The following CARF variants were observed in gnomAD, a reference collection of about 807,000 sequenced individuals.
CARF encodes the protein calcium-responsive transcription factor.
A neutral mutation model predicts 82.0 loss-of-function variants in CARF; 57 were observed. The observed-to-expected ratio is 0.70, with a 90% CI of 0.56 to 0.87. The LOEUF (loss-of-function observed/expected upper bound fraction) is 0.87. Ranked by LOEUF, CARF falls within the 40% of genes least tolerant of loss-of-function variation. The pLI is 0.00. For missense variants in CARF, 771 were observed against 855.8 expected (o/e 0.90, Z 1.24); for synonymous variants, 268 against 290.1 (o/e 0.92, Z 0.77).
At position 202,983,851 on chromosome 2, in the gene CARF, A is replaced by T. The variant is rs1232296447; in HGVS notation, c.*227A>T. Reference sequence around the variant, plus strand: ...TAATTTTTATGCTCTTTGATTATCTAATAAGGCCAGTATTTCAAAAGCTGT... The same window carrying T: ...TAATTTTTATGCTCTTTGATTATCTTATAAGGCCAGTATTTCAAAAGCTGT... On this transcript the variant is annotated 3_prime_UTR_variant, in exon 17 of 17. Transcript: ENST00000438828. 4 of 430,406 alleles carry T rather than the reference A, an allele frequency of 9.3e-6. No homozygotes were observed. Among genetic ancestry groups the T allele is most frequent in the Middle Eastern group, 6.2e-4 (1 of 1,618 alleles). The allele number at this position is 430,406 out of a possible 1,614,324, so 26.7% of individuals were successfully genotyped here. A position where few individuals can be genotyped will look rare whatever the true frequency, so the allele number is the denominator to read the frequency against.
At chr2:202,970,777 A>C (rs950715677) in intron 11 of CARF, among the ~76,000 whole-genome samples, 4 of 152,168 alleles carry the variant, frequency 2.6e-5, no homozygotes, top group Admixed American at 2.6e-4. Flanking sequence ...AGGCATTGTC[A>C]GTTATTGTAA....
intron 5 of CARF, among the ~76,000 whole-genome samples, chr2:202,943,887 C>T (rs1157117330): frequency 2.6e-5 from 4 of 151,982 alleles, no homozygotes; most frequent in Admixed American, 6.6e-5. Context: ...ACCTCGTTAT[C>T]CACCCACCTC....
Position 202,971,615 on chromosome 2 carries a change from A to C in CARF, c.1208A>C (p.Glu403Ala). The change falls in exon 12 of 17, where the codon GAA becomes GCA. Residue 403 changes from glutamate to alanine, a missense_variant. Glu to Ala is a moderately radical substitution (Grantham distance 107). Coordinates refer to ENST00000438828, the MANE Select transcript of CARF (RefSeq NM_024744.17). ...CCTGTGTCTTCTCTTGAAGAAGAGG[A>C]AACTGCAGTTAGAGATGAGAATTGT... ...PFPVSSLEEE[E>A]TAVRDENCAL... 1 of 1,613,650 alleles carries C rather than the reference A, an allele frequency of 6.2e-7. No homozygotes were observed. The highest frequency in any genetic ancestry group is 8.5e-7 in the Non-Finnish European group (1 of 1,179,738).
intron 12 of CARF, 111 bp downstream of exon 12, chr2:202,971,849 A>C: frequency 3.3e-6 from 2 of 611,178 alleles, no homozygotes; most frequent in Non-Finnish European, 5.6e-6. Context: ...AGGGTAGATA[A>C]GGAATATAGT....
At chr2:202,961,715 A>G in intron 9 of CARF, 1 of 444,072 alleles carries the variant, frequency 2.3e-6, no homozygotes, top group Non-Finnish European at 3.9e-6. Flanking sequence ...TAAAAGAGCA[A>G]TTTTATTTTA....
intron 8 of CARF, among the ~76,000 whole-genome samples, chr2:202,959,815 CAA>C (rs11334679): frequency 0.096 from 13,393 of 140,092 alleles, 704 homozygotes; most frequent in Non-Finnish European, 0.13. Context: ...ATCTCAAAAA[CAA>C]AAAAAAAAAA....
Position 202,983,598 on chromosome 2 carries a change from G to A in CARF, c.2152G>A (p.Asp718Asn). ...ALSMEAKKTV[D>N]YKKLSAT is the part of the protein sequence containing the mutation. ...GTCTATGGAAGCAAAAAAAACTGTG[G>A]ACTATAAGAAATTATCTGCTACATA... Residue 718 changes from aspartate to asparagine, a missense_variant, in exon 17 of 17, where the codon GAC becomes AAC. By Grantham distance (23) the Asp-to-Asn change is conservative (BLOSUM62 1). Coordinates refer to ENST00000438828, the MANE Select transcript of CARF (RefSeq NM_024744.17). 1.2e-6 allele frequency: 2 copies of A among 1,605,414 alleles called. No homozygotes were observed. Among genetic ancestry groups the A allele is most frequent in the Middle Eastern group, 1.7e-4 (1 of 6,050 alleles).
intron 10 of CARF, 70 bp from the exon 11 acceptor site, chr2:202,969,849 C>T: frequency 2.0e-6 from 2 of 1,025,180 alleles, no homozygotes; most frequent in Non-Finnish European, 2.7e-6. Flanking sequence ...AAGTAGACTT[C>T]TGGTTGATAA....
intron 12 of CARF, chr2:202,973,588 G>GGT: frequency 3.0e-6 from 1 of 328,594 alleles, no homozygotes; most frequent in South Asian, 2.6e-5. Flanking sequence ...TTACTAGGTA[G>GGT]GTGTATGATT....
At chr2:202,983,457 G>A (rs1559291688) in intron 16 of CARF, 49 bp from the exon 17 acceptor site, 3 of 1,145,564 alleles carry the variant, frequency 2.6e-6, no homozygotes, top group Non-Finnish European at 3.8e-6. Context: ...CTCTCTTCCA[G>A]TGTCATGAAA....
intron 2 of CARF, among the ~76,000 whole-genome samples, chr2:202,921,390 G>T (rs1390975586): frequency 1.3e-5 from 2 of 152,120 alleles, no homozygotes; most frequent in African/African-American, 4.8e-5. Flanking sequence ...CCATCAGACA[G>T]CTTTGTATTA....
intron 3 of CARF, among the ~76,000 whole-genome samples, chr2:202,930,785 G>A (rs1289557609): frequency 3.3e-5 from 5 of 151,972 alleles, no homozygotes; most frequent in African/African-American, 1.2e-4. Context: ...CACAGGTCCT[G>A]TACTCAGGTT....
rs1355763332 is a variant in CARF at position 202,971,495 on chromosome 2, C to T, written c.1098-10C>T. 6.7e-7 allele frequency: 1 copy of T among 1,486,576 alleles called. No homozygotes were observed. The highest frequency in any genetic ancestry group is 1.3e-5 in the South Asian group (1 of 78,446). 92.1% of individuals were successfully genotyped at this position (1,486,576 alleles called of 1,614,324 possible). A position where few individuals can be genotyped will look rare whatever the true frequency, so the allele number is the denominator to read the frequency against. On this transcript the variant is annotated splice_polypyrimidine_tract_variant and intron_variant, in intron 11 of 16. Transcript: ENST00000438828. ...AAATTTTAGTAATTTTAAATATTTTCTCTTACCAGGTGGTATGTACAGTTA... is the reference window on the plus strand; with the variant it reads ...AAATTTTAGTAATTTTAAATATTTTTTCTTACCAGGTGGTATGTACAGTTA...
intron 2 of CARF, among the ~76,000 whole-genome samples, chr2:202,919,133 T>C (rs1690314739): frequency 6.6e-6 from 1 of 152,222 alleles, no homozygotes; most frequent in Admixed American, 6.5e-5. Context: ...GAGGCTCACC[T>C]GTACTTGCTT....
At chr2:202,971,386 G>T (rs1312651379) in intron 11 of CARF, 119 bp from the exon 12 acceptor site, 17 of 505,056 alleles carry the variant, frequency 3.4e-5, no homozygotes, top group Non-Finnish European at 5.7e-5. Context: ...TTTCTTAAAG[G>T]ATTAATCCTT....
intron 9 of CARF, among the ~76,000 whole-genome samples, chr2:202,965,505 T>C (rs72926802): frequency 0.089 from 13,559 of 152,198 alleles, 738 homozygotes; most frequent in Non-Finnish European, 0.12. Flanking sequence ...TTTTTCTTTC[T>C]GACTTGGCTA....
chr2:202,912,499 C>G lies in CARF; in HGVS notation c.-933C>G, dbSNP rs977911940. Reference sequence around the variant, plus strand: ...CCCGTCTTCCTCCTGCCTCCTCCTCCTCCCGTCACCTCCTGACCCGCCGGA... The same window carrying G: ...CCCGTCTTCCTCCTGCCTCCTCCTCGTCCCGTCACCTCCTGACCCGCCGGA... On this transcript the variant is annotated 5_prime_UTR_variant, in exon 1 of 17. Transcript: ENST00000438828. The G allele has an allele frequency of 1.3e-5, 2 of 148,202 alleles. No homozygotes were observed. The highest frequency in any genetic ancestry group is 4.9e-5 in the African/African-American group (2 of 40,552). The allele number at this position is 148,202 out of a possible 1,614,324, so 9.2% of individuals were successfully genotyped here.
intron 2 of CARF, among the ~76,000 whole-genome samples, chr2:202,922,179 T>C (rs919159827): frequency 4.6e-5 from 7 of 152,064 alleles, no homozygotes; most frequent in African/African-American, 1.4e-4. Flanking sequence ...CCTGTCATGA[T>C]CATGGTTCAC....
At chr2:202,957,512 T>TA (rs2059109456) in intron 8 of CARF, among the ~76,000 whole-genome samples, 2 of 152,198 alleles carry the variant, frequency 1.3e-5, no homozygotes, top group South Asian at 4.1e-4. Context: ...TCCTATATGT[T>TA]ACTTTTTTCT....
Sources: allele counts gnomAD v4.1 joint callset (sites outside exome capture counted in the v4.1 genomes callset), GRCh38; gene constraint gnomAD v4.1.1; transcripts MANE v1.5; gene names NCBI Gene and HGNC (gene_info 2026-07-23, HGNC 2026-07-21).